USP35: variants seen among roughly 807,000 people sequenced by gnomAD.
USP35 encodes the protein ubiquitin carboxyl-terminal hydrolase 35.
Under a neutral mutation model 83.8 loss-of-function variants are expected in USP35, and 69 were observed. That is an observed-to-expected ratio of 0.82 (90% confidence interval 0.68 to 1.01). The LOEUF (loss-of-function observed/expected upper bound fraction) is 1.01, where lower values mean the gene tolerates loss of function less well. Among genes scored for constraint, USP35 ranks in the 50% least tolerant of loss-of-function variants. The probability of loss-of-function intolerance (pLI) is 0.00; values close to 1 mark genes in which losing one functional copy is unlikely to be tolerated. For synonymous variants in USP35, 714 were observed against 589.5 expected (o/e 1.21, Z -3.06); for missense variants, 1,503 against 1,362.5 (o/e 1.10, Z -1.62).
chr11:78,192,355 G>A (rs1420790584), intron 1 of USP35, among the ~76,000 whole-genome samples: 1 of 152,232 alleles, frequency 6.6e-6, no homozygotes, highest in Non-Finnish European at 1.5e-5. Flanking sequence ...GGGAGGCAGA[G>A]TGCAGGTTCT....
chr11:78,219,252 G>C, downstream of USP35: 2 of 1,611,176 alleles, frequency 1.2e-6, no homozygotes, highest in Non-Finnish European at 1.7e-6. Flanking sequence ...TGCCTCCTGG[G>C]CTCTGCGGTG....
Position 78,196,800 on chromosome 11 carries a change from C to T in USP35, c.555C>T (p.Ala185=). 2.0e-6 allele frequency: 3 copies of T among 1,534,398 alleles called. No individual in the cohort carries two copies. Among genetic ancestry groups the T allele is most frequent in the Non-Finnish European group, 2.6e-6 (3 of 1,145,906 alleles). The part of the protein sequence containing the change: ...FRCPAEGEEG[A]VEFLEQAQQV... ...GCCCAGCCGAAGGCGAGGAGGGCGC[C>T]GTGGAGTTCCTAGAGCAGGCCCAGC... Residue 185 remains alanine, a synonymous_variant, in exon 2 of 11, where the codon GCC becomes GCT. Transcript: ENST00000529308. The surrounding 1 kb of genome is among the most constrained non-coding windows in gnomAD (Gnocchi z 4.8).
chr11:78,207,312 T>C (rs976479228), intron 7 of USP35: 1 of 544,396 alleles, frequency 1.8e-6, no homozygotes, highest in African/African-American at 1.9e-5. Context: ...CCCTTCATTG[T>C]CTAAAACATG....
At chr11:78,199,821 C>T (rs540126485) in intron 4 of USP35, 97 bp downstream of exon 4, 2 of 1,576,340 alleles carry the variant, frequency 1.3e-6, no homozygotes, top group Admixed American at 3.4e-5. Flanking sequence ...TGGGCCTACC[C>T]ACCAAGCTCG....
Position 78,189,012 on chromosome 11 carries a change from C to T in USP35, c.-156C>T, listed in dbSNP as rs1182469311. The T allele has an allele frequency of 5.3e-6, 5 of 945,370 alleles. No individual in the cohort carries two copies. In the African/African-American group the frequency reaches 7.1e-5, roughly 13 times the overall value. The allele number at this position is 945,370 out of a possible 1,614,324, so 58.6% of individuals were successfully genotyped here. The stretch of plus-strand genomic sequence containing the variant: ...AGACTGGATTTTGCAGTGGAAGCAG[C>T]ATCTCTTCCGTCTGGGACCTGGCTG... On this transcript the variant is annotated 5_prime_UTR_variant, in exon 1 of 11. Coordinates refer to ENST00000529308, the MANE Select transcript of USP35 (RefSeq NM_020798.4).
chr11:78,200,380 G>A (rs983624725), intron 5 of USP35, 146 bp downstream of exon 5: 12 of 1,023,160 alleles, frequency 1.2e-5, no homozygotes, highest in African/African-American at 9.6e-5. Flanking sequence ...CAGCTGGATC[G>A]TGGGCTCTGG....
chr11:78,225,412 G>T, the USP35 span, among the ~76,000 whole-genome samples: 1 of 152,174 alleles, frequency 6.6e-6, no homozygotes. Context: ...GTTAGCATCT[G>T]CAGAGAAGCT....
chr11:78,226,969 C>T, the USP35 span: 3 of 1,613,604 alleles, frequency 1.9e-6, no homozygotes, highest in Admixed American at 1.7e-5. Context: ...ACACAGTGTC[C>T]ATTGCCCTGG....
At position 78,207,646 on chromosome 11, in the gene USP35, G is replaced by A. The variant is rs181845031; in HGVS notation, c.1485+23G>A. 119 of 1,611,120 alleles carry A rather than the reference G, an allele frequency of 7.4e-5. No individual in the cohort carries two copies. In the East Asian group the frequency reaches 1.1e-3, roughly 15 times the overall value. ...CAGGTGAGTGTAGGGGCAGTCAGAG[G>A]GGGGTGGAGAGGCAGCTCTGGTCAG... On this transcript the variant is annotated intron_variant, in intron 8 of 10. Transcript: ENST00000529308.
In USP35 at chr11:78,209,830, A is replaced by C. The variant is rs544895589; in HGVS notation, c.1975A>C (p.Ile659Leu). The C allele has an allele frequency of 9.3e-6, 15 of 1,613,584 alleles. No homozygotes were observed. Among genetic ancestry groups the C allele is most frequent in the African/African-American group, 6.7e-5 (5 of 74,978 alleles). Residue 659 changes from isoleucine to leucine, a missense_variant, in exon 10 of 11, where the codon ATC becomes CTC. Transcript: ENST00000529308. ...TEDTPPTSLY[I>L]EGLDSKEAGG... ...GGACACCCCCCCCACCAGCCTGTAC[A>C]TCGAAGGCCTGGACTCCAAGGAAGC... is the stretch of plus-strand genomic sequence containing the variant.
At chr11:78,224,993 G>T in the USP35 span, 2 of 673,828 alleles carry the variant, frequency 3.0e-6, no homozygotes, top group South Asian at 1.8e-5. Context: ...AACTTGGGCA[G>T]GGTCCTAAGA....
rs749605193 is a variant in USP35 at position 78,209,801 on chromosome 11, C to G, written c.1946C>G (p.Thr649Arg). 2 of 1,613,798 alleles carry G rather than the reference C, an allele frequency of 1.2e-6. No homozygotes were observed. The highest frequency in any genetic ancestry group is 1.7e-6 in the Non-Finnish European group (2 of 1,179,896). Residue 649 changes from threonine (T) to arginine (R), a missense_variant, in exon 10 of 11, where the codon ACA (threonine) becomes AGA (arginine). Physicochemically the swap from Thr to Arg is moderately conservative, Grantham distance 71. Coordinates refer to ENST00000529308, the MANE Select transcript of USP35 (RefSeq NM_020798.4). ...CGGAGGCAAAGGAAACACTGCATCACAGAGGACACCCCCCCCACCAGCCTG... is the reference window on the plus strand; with the variant it reads ...CGGAGGCAAAGGAAACACTGCATCAGAGAGGACACCCCCCCCACCAGCCTG... ...GPRRQRKHCI[T>R]EDTPPTSLYI...
intron 7 of USP35, chr11:78,207,287 A>C: frequency 2.2e-6 from 1 of 449,184 alleles, no homozygotes; most frequent in Non-Finnish European, 4.0e-6. Flanking sequence ...AGGGGCTACA[A>C]GGGTCACCTT....
chr11:78,211,620 T>C (rs1812324203), intron 10 of USP35, among the ~76,000 whole-genome samples: 1 of 152,248 alleles, frequency 6.6e-6, no homozygotes, highest in Admixed American at 6.5e-5. Context: ...CATATGTTGT[T>C]TCCTGACTTT....
rs1863701545 is a variant in USP35 at position 78,210,179 on chromosome 11, C to T, written c.2324C>T (p.Thr775Ile). 2 of 1,613,940 alleles carry T rather than the reference C, an allele frequency of 1.2e-6. No homozygotes were observed. Among genetic ancestry groups the T allele is most frequent in the African/African-American group, 1.3e-5 (1 of 75,046 alleles). Residue 775 changes from threonine to isoleucine, a missense_variant, in exon 10 of 11, where the codon ACA becomes ATA. Coordinates refer to ENST00000529308, the MANE Select transcript of USP35 (RefSeq NM_020798.4). ...VNYFLSPEKL[T>I]AENRYYCESC... ...TACTTCCTGTCCCCCGAGAAGCTGA[C>T]AGCAGAAAACCGCTACTACTGCGAG...
intron 10 of USP35, among the ~76,000 whole-genome samples, chr11:78,211,004 G>A (rs560433803): frequency 3.9e-5 from 6 of 152,142 alleles, no homozygotes; most frequent in African/African-American, 1.2e-4. Context: ...TTACTTAAAC[G>A]TGTGCCATGG....
intron 4 of USP35, 136 bp from the exon 5 acceptor site, chr11:78,199,997 C>T (rs1863291478): frequency 1.0e-6 from 1 of 978,746 alleles, no homozygotes. Context: ...CCATCTGGGT[C>T]TGTGAGCACC....
chr11:78,209,457 A>G lies in USP35; in HGVS notation c.1602A>G (p.Glu534=). ...GTGCTCTCTGCCCCAGGCTGCACGA[A>G]GAGGAGAAAACGGGCACAAGGATCT... is the stretch of plus-strand genomic sequence containing the variant. The part of the protein sequence containing the change: ...YLKYLLDRLH[E]EEKTGTRICQ... Residue 534 remains glutamate, a synonymous_variant, in exon 10 of 11, where the codon GAA becomes GAG. Transcript: ENST00000529308. 6.2e-7 allele frequency: 1 copy of G among 1,604,022 alleles called. No homozygotes were observed. The highest frequency in any genetic ancestry group is 2.2e-5 in the East Asian group (1 of 44,768).
the USP35 span, chr11:78,226,619 G>GGGGGGGCCC: frequency 2.1e-6 from 2 of 952,208 alleles, no homozygotes; most frequent in Non-Finnish European, 3.2e-6. Flanking sequence ...GGCGGGGTGG[G>GGGGGGGCCC]GGAGCTATGG....
Sources: allele counts gnomAD v4.1 joint callset (sites outside exome capture counted in the v4.1 genomes callset), GRCh38; gene constraint gnomAD v4.1.1; non-coding constraint Gnocchi (gnomAD v3.1); transcripts MANE v1.5; gene names NCBI Gene and HGNC (gene_info 2026-07-23, HGNC 2026-07-21).